The following ASIC2 variants were observed in gnomAD, a reference collection of about 807,000 sequenced individuals.
The protein encoded by ASIC2 is acid sensing ion channel subunit 2.
A neutral mutation model predicts 57.3 loss-of-function variants in ASIC2; 25 were observed. The observed-to-expected ratio is 0.44, with a 90% confidence interval of 0.32 to 0.61. The LOEUF is 0.61. Ranked by LOEUF, ASIC2 falls within the 20% of genes least tolerant of loss-of-function variation. The pLI is 0.06. For synonymous variants in ASIC2, 319 were observed against 307.5 expected (o/e 1.04, Z -0.39); for missense variants, 641 against 738.1 (o/e 0.87, Z 1.52).
chr17:33,514,016 G>T (rs115515981), intron 1 of ASIC2, among the ~76,000 whole-genome samples: 4 of 152,188 alleles, frequency 2.6e-5, no homozygotes, highest in Non-Finnish European at 5.9e-5. Context: ...ACACACTGCT[G>T]GGGGCATGAC....
chr17:34,103,150 C>G (rs1225893708), intron 1 of ASIC2, among the ~76,000 whole-genome samples: 1 of 151,864 alleles, frequency 6.6e-6, no homozygotes, highest in East Asian at 1.9e-4. Flanking sequence ...TGATTTTTTG[C>G]AGGGGAGTGG....
chr17:34,036,364 G>C (rs1444187690), intron 1 of ASIC2, among the ~76,000 whole-genome samples: 8 of 119,528 alleles, frequency 6.7e-5, no homozygotes, highest in Non-Finnish European at 1.1e-4. Flanking sequence ...ACACTCTGGG[G>C]ACTGTTGTGG....
At chr17:33,523,651 T>C (rs981126492) in intron 1 of ASIC2, among the ~76,000 whole-genome samples, 4 of 152,184 alleles carry the variant, frequency 2.6e-5, no homozygotes, top group Admixed American at 2.0e-4. Flanking sequence ...TCTGGCAGGT[T>C]CCCCTTCCCA....
chr17:34,033,337 CCAGAATCT>C (rs1251879848), intron 1 of ASIC2, among the ~76,000 whole-genome samples: 1 of 151,992 alleles, frequency 6.6e-6, no homozygotes, highest in East Asian at 1.9e-4. Flanking sequence ...ACACAACATA[CCAGAATCT>C]CTGGGACACA....
chr17:33,737,647 T>C (rs144339056), intron 1 of ASIC2, among the ~76,000 whole-genome samples: 2 of 142,066 alleles, frequency 1.4e-5, no homozygotes, highest in Non-Finnish European at 3.1e-5. Context: ...AGAGCACCAA[T>C]GTGTAAAATA....
intron 1 of ASIC2, among the ~76,000 whole-genome samples, chr17:33,174,458 A>T (rs1372777492): frequency 1.3e-5 from 2 of 151,652 alleles, no homozygotes; most frequent in African/African-American, 4.8e-5. Context: ...CCATCCATTC[A>T]TTCATTCATC....
chr17:33,813,209 G>T (rs1402515174), intron 1 of ASIC2, among the ~76,000 whole-genome samples: 1 of 152,106 alleles, frequency 6.6e-6, no homozygotes, highest in African/African-American at 2.4e-5. Flanking sequence ...GGACCCAGAG[G>T]TAGAGAGCAA....
intron 1 of ASIC2, among the ~76,000 whole-genome samples, chr17:33,818,546 G>A (rs1264865267): frequency 1.3e-5 from 2 of 152,110 alleles, no homozygotes; most frequent in African/African-American, 2.4e-5. Flanking sequence ...TTGTCCCCCA[G>A]GAGACATTTA....
chr17:33,937,708 T>C (rs1228181107), intron 1 of ASIC2, among the ~76,000 whole-genome samples: 1 of 152,212 alleles, frequency 6.6e-6, no homozygotes, highest in Non-Finnish European at 1.5e-5. Context: ...CCTATCCACA[T>C]TGCCAGGTAT....
chr17:33,859,393 G>A (rs180943251), intron 1 of ASIC2, among the ~76,000 whole-genome samples: 141 of 152,274 alleles, frequency 9.3e-4, no homozygotes, highest in Admixed American at 4.2e-3. Flanking sequence ...TGAGGAAAAG[G>A]GGGGAGGAAC....
chr17:33,013,945 G>A lies in ASIC2; in HGVS notation c.*20C>T. The A allele has an allele frequency of 5.2e-6, 8 of 1,544,550 alleles. No individual in the cohort carries two copies. Among genetic ancestry groups the A allele is most frequent in the Non-Finnish European group, 7.0e-6 (8 of 1,134,872 alleles). On this transcript the variant is annotated 3_prime_UTR_variant, in exon 10 of 10. Coordinates refer to ENST00000225823, the MANE Select transcript of ASIC2 (RefSeq NM_183377.2). ...GCCTCAAGGTCTGTTTGGAGGGAGT[G>A]CTGGGTGACTCGAGGGGTGTCAGCA...
chr17:34,081,142 C>A (rs1320380675), intron 1 of ASIC2, among the ~76,000 whole-genome samples: 5 of 152,072 alleles, frequency 3.3e-5, no homozygotes, highest in Non-Finnish European at 2.9e-5. Flanking sequence ...GCACTGAAAC[C>A]CCCTGGGGCT....
chr17:33,324,974 T>C (rs896263236), intron 1 of ASIC2, among the ~76,000 whole-genome samples: 1 of 152,040 alleles, frequency 6.6e-6, no homozygotes, highest in Admixed American at 6.5e-5. Flanking sequence ...CCACAACAGA[T>C]AGAGGAGAGG....
chr17:33,782,521 G>A (rs1911484830), intron 1 of ASIC2, among the ~76,000 whole-genome samples: 1 of 152,126 alleles, frequency 6.6e-6, no homozygotes, highest in Non-Finnish European at 1.5e-5. Flanking sequence ...GAGCTCAGGA[G>A]TTGGAGACCA....
intron 1 of ASIC2, among the ~76,000 whole-genome samples, chr17:33,549,793 C>G (rs1437259707): frequency 1.3e-5 from 2 of 152,192 alleles, no homozygotes; most frequent in Non-Finnish European, 2.9e-5. Context: ...TCATCCTCCT[C>G]CCTAATGCTT....
At chr17:33,962,709 G>T (rs182697668) in intron 1 of ASIC2, among the ~76,000 whole-genome samples, 1 of 152,252 alleles carries the variant, frequency 6.6e-6, no homozygotes, top group East Asian at 1.9e-4. Context: ...GCCACTGCCT[G>T]CACTGTCTAG....
chr17:33,419,528 G>A (rs894829246), intron 1 of ASIC2, among the ~76,000 whole-genome samples: 2 of 152,208 alleles, frequency 1.3e-5, no homozygotes, highest in South Asian at 4.1e-4. Flanking sequence ...AGCAGATAAA[G>A]ATTGCTGGAT....
At chr17:33,713,990 T>C (rs551413300) in intron 1 of ASIC2, among the ~76,000 whole-genome samples, 1 of 152,280 alleles carries the variant, frequency 6.6e-6, no homozygotes, top group East Asian at 1.9e-4. Flanking sequence ...CCTTACAAGA[T>C]TGTGTCTCAC....
chr17:34,100,319 G>A (rs1037744773), intron 1 of ASIC2, among the ~76,000 whole-genome samples: 4 of 151,832 alleles, frequency 2.6e-5, no homozygotes, highest in African/African-American at 9.7e-5. Flanking sequence ...GGTTTATAAT[G>A]CAGTTTGTTA....
Sources: gnomAD v4.1 joint callset for allele counts (sites outside exome capture counted in the v4.1 genomes callset) on GRCh38, gnomAD v4.1.1 for gene constraint, MANE v1.5 for transcripts, NCBI Gene and HGNC (gene_info 2026-07-23, HGNC 2026-07-21) for gene names.